The following NPR2 variants were observed in gnomAD, a reference collection of about 807,000 sequenced individuals.
NPR2 encodes the protein natriuretic peptide receptor 2, also known as atrial natriuretic peptide receptor 2.
NPR2 carries 49 observed loss-of-function variants against 120.7 expected under a neutral mutation model. The observed-to-expected ratio is 0.41, with a 90% CI of 0.32 to 0.52. NPR2 has a LOEUF of 0.52. Among genes scored for constraint, NPR2 ranks in the 20% least tolerant of loss-of-function variants. The pLI is 0.36. For missense variants in NPR2, 931 were observed against 1,362.9 expected (o/e 0.68, Z 4.99); for synonymous variants, 484 against 519.8 (o/e 0.93, Z 0.94).
chr9:35,799,873 C>T, intron 3 of NPR2, 142 bp downstream of exon 3: 1 of 1,409,250 alleles, frequency 7.1e-7, no homozygotes, highest in Non-Finnish European at 1.0e-6. Flanking sequence ...TCCTTCTGCC[C>T]TATGGAGTAG....
At chr9:35,799,215 C>T (rs1267600148) in intron 2 of NPR2, among the ~76,000 whole-genome samples, 1 of 152,204 alleles carries the variant, frequency 6.6e-6, no homozygotes, top group East Asian at 1.9e-4. Flanking sequence ...TAAGCAGATA[C>T]CCAGAAAGCA....
At position 35,802,210 on chromosome 9, in the gene NPR2, A is replaced by G; in HGVS notation, c.1637A>G (p.Asn546Ser). ...IFANTGHFKG[N>S]VVAIKHVNKK... ...CCCTTTCACTCCCACCATCAGGGAA[A>G]TGTTGTCGCCATCAAACATGTGAAT... The change falls in exon 10 of 22, where the codon AAT (asparagine) becomes AGT (serine). Residue 546 changes from asparagine (N) to serine (S), a missense_variant. Asn to Ser is a conservative substitution (Grantham distance 46). Around this residue, in one of 3 missense-constraint regions of NPR2, gnomAD observed 681 missense variants for 974.3 expected, o/e 0.70. Coordinates refer to ENST00000342694, the MANE Select transcript of NPR2 (RefSeq NM_003995.4). The surrounding 1 kb of genome is among the most constrained non-coding windows in gnomAD (Gnocchi z 4.2). 1 of 1,601,000 alleles carries G rather than the reference A, an allele frequency of 6.2e-7. No homozygotes were observed. Among genetic ancestry groups the G allele is most frequent in the Non-Finnish European group, 8.6e-7 (1 of 1,168,172 alleles).
At position 35,802,029 on chromosome 9, in the gene NPR2, C is replaced by T; in HGVS notation, c.1632+29C>T. 6.3e-7 allele frequency: 1 copy of T among 1,599,852 alleles called. No homozygotes were observed. On this transcript the variant is annotated intron_variant, in intron 9 of 21. Coordinates refer to ENST00000342694, the MANE Select transcript of NPR2 (RefSeq NM_003995.4). The surrounding 1 kb of genome is among the most constrained non-coding windows in gnomAD (Gnocchi z 4.2). ...AACAGTCATTTGCTTGTTCTGGTCC[C>T]CACCATTTCATCCTGTCTCATCCCC...
chr9:35,797,293 AAT>A (rs1272094387), intron 2 of NPR2, among the ~76,000 whole-genome samples: 1 of 152,174 alleles, frequency 6.6e-6, no homozygotes, highest in Non-Finnish European at 1.5e-5. Flanking sequence ...AGTGGAACTA[AAT>A]AAGCAATGAC....
At chr9:35,793,512 T>C (rs1827851704) in intron 1 of NPR2, among the ~76,000 whole-genome samples, 1 of 151,912 alleles carries the variant, frequency 6.6e-6, no homozygotes, top group African/African-American at 2.4e-5. Context: ...CTCAGCAGAT[T>C]TGGGAAAGAC....
chr9:35,800,160 A>G lies in NPR2; in HGVS notation c.1123+3A>G, dbSNP rs1280312920. 6.2e-7 allele frequency: 1 copy of G among 1,613,076 alleles called. No homozygotes were observed. The highest frequency in any genetic ancestry group is 1.7e-5 in the Admixed American group (1 of 60,028). ...GATGCAGGGACGAAGATATCACGGT[A>G]ATGAAGAGGGGTCAATGGGGGTCTG... On this transcript the variant is annotated splice_donor_region_variant and intron_variant, in intron 4 of 21. Coordinates refer to ENST00000342694, the MANE Select transcript of NPR2 (RefSeq NM_003995.4). The surrounding 1 kb of genome is among the most constrained non-coding windows in gnomAD (Gnocchi z 4.7).
chr9:35,794,834 TTGTG>T (rs59763394), intron 2 of NPR2, among the ~76,000 whole-genome samples: 60 of 149,742 alleles, frequency 4.0e-4, no homozygotes, highest in Middle Eastern at 3.5e-3. Flanking sequence ...CCTTGACTTT[TTGTG>T]TGTGTGTGTG....
rs560806065 is a variant in NPR2, at chr9:35,807,004, C to G, written c.2520-19C>G. 2 of 1,613,830 alleles carry G rather than the reference C, an allele frequency of 1.2e-6. No individual in the cohort carries two copies. Among genetic ancestry groups the G allele is most frequent in the Non-Finnish European group, 1.7e-6 (2 of 1,179,760 alleles). ...CTGCTCTCTTGGAGTTTGGCTCATACGGCACCCTTGCTTCCTAGTTCAGTG... is the reference window on the plus strand; with the variant it reads ...CTGCTCTCTTGGAGTTTGGCTCATAGGGCACCCTTGCTTCCTAGTTCAGTG... On this transcript the variant is annotated intron_variant, in intron 16 of 21. Transcript: ENST00000342694.
Position 35,801,090 on chromosome 9 carries a change from A to G in NPR2, c.1372A>G (p.Ile458Val), listed in dbSNP as rs570890949. 16 of 1,614,058 alleles carry G rather than the reference A, an allele frequency of 9.9e-6. No individual in the cohort carries two copies. Among genetic ancestry groups the G allele is most frequent in the African/African-American group, 6.7e-5 (5 of 75,016 alleles). Residue 458 changes from isoleucine (I) to valine (V), a missense_variant, in exon 7 of 22, where the codon ATT becomes GTT. By Grantham distance (29) the Ile-to-Val change is conservative. Transcript: ENST00000342694. Reference protein sequence around the residue: ...CDKTPLSTLAIVALGTGITFI... With the variant: ...CDKTPLSTLAVVALGTGITFI... ...TTCAGCTCCACTTTCAACCCTGGCA[A>G]TTGTGGCTCTGGGCACAGGAATCAC...
chr9:35,806,011 C>T lies in NPR2; in HGVS notation c.2203+26C>T. ...GTAAGAGTCAATCCACTACCCACAGCCTCTTCTTCCTGGGGGAACTCTGTT... is the reference window on the plus strand; with the variant it reads ...GTAAGAGTCAATCCACTACCCACAGTCTCTTCTTCCTGGGGGAACTCTGTT... On this transcript the variant is annotated intron_variant, in intron 14 of 21. Coordinates refer to ENST00000342694, the MANE Select transcript of NPR2 (RefSeq NM_003995.4). The surrounding 1 kb of genome is among the most constrained non-coding windows in gnomAD (Gnocchi z 4.6). The T allele has an allele frequency of 6.2e-7, 1 of 1,614,180 alleles. No individual in the cohort carries two copies. Among genetic ancestry groups the T allele is most frequent in the East Asian group, 2.2e-5 (1 of 44,882 alleles).
chr9:35,791,892 C>T lies in NPR2; in HGVS notation c.-517C>T, dbSNP rs1381897909. ...CTCCGGCCCAGGCCTCGCTTCGCTC[C>T]CCGCCTGCCCATGATCCCAGTCCTT... On this transcript the variant is annotated 5_prime_UTR_variant, in exon 1 of 22. Transcript: ENST00000342694. 1.3e-5 allele frequency among the ~76,000 whole-genome samples: 2 copies of T among 152,014 alleles called. No individual in the cohort carries two copies. The highest frequency in any genetic ancestry group is 4.8e-5 in the African/African-American group (2 of 41,392).
Position 35,802,048 on chromosome 9 carries a change from C to A in NPR2, c.1632+48C>A. ...TGGTCCCCACCATTTCATCCTGTCT[C>A]ATCCCCATCTGCCACCTCTGCCCCT... is the stretch of plus-strand genomic sequence containing the variant. On this transcript the variant is annotated intron_variant, in intron 9 of 21. Transcript: ENST00000342694. The surrounding 1 kb of genome is among the most constrained non-coding windows in gnomAD (Gnocchi z 4.2). The A allele has an allele frequency of 6.4e-7, 1 of 1,556,846 alleles. No individual in the cohort carries two copies. The highest frequency in any genetic ancestry group is 8.9e-7 in the Non-Finnish European group (1 of 1,127,580).
In NPR2 at chr9:35,805,992, G is replaced by A; in HGVS notation, c.2203+7G>A. On this transcript the variant is annotated splice_region_variant and intron_variant, in intron 14 of 21. Coordinates refer to ENST00000342694, the MANE Select transcript of NPR2 (RefSeq NM_003995.4). This position sits in a 1 kb window ranked among gnomAD's most constrained non-coding sequence, Gnocchi z 4.9. ...CTGGACCTCAGCCCCAAAGGTAAGA[G>A]TCAATCCACTACCCACAGCCTCTTC... 5 of 1,614,180 alleles carry A rather than the reference G, an allele frequency of 3.1e-6. No homozygotes were observed. Among genetic ancestry groups the A allele is most frequent in the Non-Finnish European group, 4.2e-6 (5 of 1,180,034 alleles).
At chr9:35,807,426 A>C in intron 18 of NPR2, 28 bp downstream of exon 18, 1 of 1,552,372 alleles carries the variant, frequency 6.4e-7, no homozygotes, top group Non-Finnish European at 8.9e-7. Context: ...TGTTCAATAG[A>C]AGACCCTTTA....
intron 2 of NPR2, among the ~76,000 whole-genome samples, chr9:35,798,848 G>A (rs547871266): frequency 1.3e-5 from 2 of 152,322 alleles, no homozygotes; most frequent in South Asian, 2.1e-4. Context: ...TGACTCATGC[G>A]CCAGTGAGAT....
At position 35,794,008 on chromosome 9, in the gene NPR2, G is replaced by A; in HGVS notation, c.778G>A (p.Glu260Lys). ...YVFFYLDVFGESLRAGPTRAT... is the reference protein window; with the variant it reads ...YVFFYLDVFGKSLRAGPTRAT... ...CTTCTTTTACCTGGATGTCTTTGGG[G>A]AGAGTCTCCGTGCAGGCCCCACACG... Residue 260 changes from glutamate (E) to lysine (K), a missense_variant, in exon 2 of 22, where the codon GAG becomes AAG. This residue lies in a region of NPR2 where 681 missense variants were observed against 974.3 expected (regional missense o/e 0.70). Coordinates refer to ENST00000342694, the MANE Select transcript of NPR2 (RefSeq NM_003995.4). 1 of 1,614,214 alleles carries A rather than the reference G, an allele frequency of 6.2e-7. No individual in the cohort carries two copies. The highest frequency in any genetic ancestry group is 1.7e-5 in the Admixed American group (1 of 60,030).
At position 35,806,882 on chromosome 9, in the gene NPR2, C is replaced by T. The variant is rs1319429185; in HGVS notation, c.2520-141C>T. Reference sequence around the variant, plus strand: ...ACCTTGCATTAGACTGTAATGTCTTCCCAGCCACTTTCCTCCCTCCCACCT... The same window carrying T: ...ACCTTGCATTAGACTGTAATGTCTTTCCAGCCACTTTCCTCCCTCCCACCT... On this transcript the variant is annotated intron_variant, in intron 16 of 21. Coordinates refer to ENST00000342694, the MANE Select transcript of NPR2 (RefSeq NM_003995.4). This position sits in a 1 kb window ranked among gnomAD's most constrained non-coding sequence, Gnocchi z 4.6. The T allele has an allele frequency of 1.1e-6, 1 of 944,796 alleles. No individual in the cohort carries two copies. Among genetic ancestry groups the T allele is most frequent in the African/African-American group, 1.6e-5 (1 of 61,220 alleles). 58.5% of individuals were successfully genotyped at this position (944,796 alleles called of 1,614,324 possible).
At chr9:35,796,088 G>A (rs933094172) in intron 2 of NPR2, among the ~76,000 whole-genome samples, 7 of 152,354 alleles carry the variant, frequency 4.6e-5, no homozygotes, top group Middle Eastern at 3.4e-3. Flanking sequence ...AAGGAATAGA[G>A]TGTTATGAAA....
In NPR2 at chr9:35,809,340, C is replaced by T. The variant is rs771964692; in HGVS notation, c.3079-40C>T. 30 of 1,612,640 alleles carry T rather than the reference C, an allele frequency of 1.9e-5. No individual in the cohort carries two copies. Among genetic ancestry groups the T allele is most frequent in the Non-Finnish European group, 2.0e-5 (24 of 1,178,858 alleles). On this transcript the variant is annotated intron_variant, in intron 21 of 21. Coordinates refer to ENST00000342694, the MANE Select transcript of NPR2 (RefSeq NM_003995.4). The surrounding 1 kb of genome is among the most constrained non-coding windows in gnomAD (Gnocchi z 4.1). The stretch of plus-strand genomic sequence containing the variant: ...AAAGAGAGGGAGACAAAGGGACTAA[C>T]ATCGAAGCATCTGAATCATGTCCAC...
Sources: allele counts gnomAD v4.1 joint callset (sites outside exome capture counted in the v4.1 genomes callset), GRCh38; gene constraint gnomAD v4.1.1; regional missense constraint gnomAD v4.1.1; non-coding constraint Gnocchi (gnomAD v3.1); transcripts MANE v1.5; gene names NCBI Gene and HGNC (gene_info 2026-07-23, HGNC 2026-07-21).